The following SGCZ variants were observed in gnomAD, a reference collection of about 807,000 sequenced individuals.
The protein encoded by SGCZ is zeta-sarcoglycan.
SGCZ carries 40 observed loss-of-function variants against 41.3 expected under a neutral mutation model. That is an observed-to-expected ratio of 0.97 (90% CI 0.75 to 1.26). The LOEUF is 1.26. Among genes scored for constraint, SGCZ ranks in the 50% most tolerant of loss-of-function variants. The pLI is 0.00. For missense variants in SGCZ, 552 were observed against 369.8 expected (o/e 1.49, Z -4.04); for synonymous variants, 206 against 137.5 (o/e 1.50, Z -3.49).
At chr8:14,570,742 AATAACCTAAGAGACTATTTCAT>A (rs1345808209) in intron 1 of SGCZ, among the ~76,000 whole-genome samples, 1 of 152,168 alleles carries the variant, frequency 6.6e-6, no homozygotes, top group Admixed American at 6.5e-5. Context: ...ATGTGATATG[AATAACCTAAGAGACTATTTCAT>A]ATAACTCACT....
At chr8:15,038,365 C>G (rs1365094858) in intron 1 of SGCZ, among the ~76,000 whole-genome samples, 1 of 152,006 alleles carries the variant, frequency 6.6e-6, no homozygotes, top group Non-Finnish European at 1.5e-5. Flanking sequence ...AAAGGATGAT[C>G]TCTTCAATAA....
chr8:14,325,227 A>G (rs1369145957), intron 2 of SGCZ, among the ~76,000 whole-genome samples: 1 of 152,104 alleles, frequency 6.6e-6, no homozygotes, highest in Admixed American at 6.6e-5. Flanking sequence ...CTAATAATGC[A>G]TAATTGCGTA....
intron 7 of SGCZ, among the ~76,000 whole-genome samples, chr8:14,097,111 C>A (rs753492699): frequency 6.6e-6 from 1 of 152,004 alleles, no homozygotes; most frequent in African/African-American, 2.4e-5. Context: ...CTGCTCTGAT[C>A]ATAGTCATTT....
At chr8:14,935,314 C>T (rs1800049766) in intron 1 of SGCZ, among the ~76,000 whole-genome samples, 1 of 151,756 alleles carries the variant, frequency 6.6e-6, no homozygotes, top group Non-Finnish European at 1.5e-5. Flanking sequence ...ACATTTGTGA[C>T]ATTCTTCCAT....
intron 2 of SGCZ, among the ~76,000 whole-genome samples, chr8:14,331,039 G>A (rs1221985922): frequency 6.6e-6 from 1 of 151,392 alleles, no homozygotes; most frequent in Non-Finnish European, 1.5e-5. Flanking sequence ...AGATACATGT[G>A]TTTTTATTAT....
intron 3 of SGCZ, among the ~76,000 whole-genome samples, chr8:14,243,243 A>T (rs1292901695): frequency 6.6e-6 from 1 of 152,212 alleles, no homozygotes; most frequent in Admixed American, 6.6e-5. Context: ...ATAGTTTACA[A>T]GAAAAATTTT....
At chr8:14,136,568 C>G (rs1803205730) in intron 5 of SGCZ, among the ~76,000 whole-genome samples, 2 of 152,180 alleles carry the variant, frequency 1.3e-5, no homozygotes, top group Non-Finnish European at 2.9e-5. Flanking sequence ...AGTCCCAGAT[C>G]AAACTGCGAG....
At chr8:14,130,874 C>T (rs908010964) in intron 5 of SGCZ, among the ~76,000 whole-genome samples, 1 of 152,102 alleles carries the variant, frequency 6.6e-6, no homozygotes, top group African/African-American at 2.4e-5. Context: ...AACATGGTGC[C>T]AGCCAGGTAG....
intron 3 of SGCZ, among the ~76,000 whole-genome samples, chr8:14,283,793 A>C (rs2116924950): frequency 6.6e-6 from 1 of 152,346 alleles, no homozygotes; most frequent in East Asian, 1.9e-4. Context: ...GCACAACAGC[A>C]GCCATAGGCA....
intron 1 of SGCZ, among the ~76,000 whole-genome samples, chr8:14,880,564 T>G (rs541950316): frequency 3.3e-5 from 5 of 152,072 alleles, no homozygotes; most frequent in Admixed American, 3.3e-4. Flanking sequence ...AAATGTCCAA[T>G]GATGATAGAC....
intron 1 of SGCZ, among the ~76,000 whole-genome samples, chr8:15,007,505 G>A (rs1367050453): frequency 6.6e-6 from 1 of 152,182 alleles, no homozygotes; most frequent in Non-Finnish European, 1.5e-5. Context: ...CCACAAACTG[G>A]GTGCATGTTC....
chr8:14,568,823 A>C (rs1365756965), intron 1 of SGCZ, among the ~76,000 whole-genome samples: 1 of 152,216 alleles, frequency 6.6e-6, no homozygotes, highest in African/African-American at 2.4e-5. Flanking sequence ...CATGGGCTTC[A>C]TTAAATAATT....
At chr8:15,073,324 T>C (rs1025578854) in intron 1 of SGCZ, among the ~76,000 whole-genome samples, 9 of 152,178 alleles carry the variant, frequency 5.9e-5, no homozygotes, top group African/African-American at 2.2e-4. Context: ...GCTATCCTAA[T>C]TTTATTTTCC....
chr8:14,987,632 A>C (rs912261578), intron 1 of SGCZ, among the ~76,000 whole-genome samples: 2 of 151,990 alleles, frequency 1.3e-5, no homozygotes, highest in Admixed American at 1.3e-4. Flanking sequence ...TATTAGTAGA[A>C]GTATTCCAAG....
intron 3 of SGCZ, among the ~76,000 whole-genome samples, chr8:14,317,237 G>A (rs1208644752): frequency 6.6e-6 from 1 of 151,938 alleles, no homozygotes; most frequent in Non-Finnish European, 1.5e-5. Flanking sequence ...CTGTGGTAAG[G>A]TTATATTGCT....
rs576389990 is a variant in SGCZ, at chr8:14,584,565, A to C, written c.40-29639T>G. Reference sequence around the variant, plus strand: ...GAAACGTGACATGAGGAAACAAGGTAATTACAAATGATTAGGTTACAAAGT... The same window carrying C: ...GAAACGTGACATGAGGAAACAAGGTCATTACAAATGATTAGGTTACAAAGT... On this transcript the variant is annotated intron_variant, in intron 1 of 7. Coordinates refer to ENST00000382080, the MANE Select transcript of SGCZ (RefSeq NM_139167.4). Among the ~76,000 whole-genome samples the C allele has an allele frequency of 2.6e-5, 4 of 152,292 alleles. No homozygotes were observed. The East Asian group carries it at 7.7e-4, about 29-fold the overall frequency.
intron 1 of SGCZ, among the ~76,000 whole-genome samples, chr8:15,034,208 C>T (rs997014908): frequency 2.0e-5 from 3 of 151,728 alleles, no homozygotes; most frequent in Admixed American, 2.0e-4. Context: ...TACAAAGAAA[C>T]AATTGAATAA....
intron 2 of SGCZ, among the ~76,000 whole-genome samples, chr8:14,468,336 C>A (rs1029074515): frequency 1.3e-5 from 2 of 151,972 alleles, no homozygotes; most frequent in Non-Finnish European, 2.9e-5. Context: ...ATCTTTAGAG[C>A]ACAAGCATAA....
chr8:14,618,999 G>A (rs962633230), intron 1 of SGCZ, among the ~76,000 whole-genome samples: 1 of 152,162 alleles, frequency 6.6e-6, no homozygotes, highest in East Asian at 1.9e-4. Context: ...ATGTCCAAGT[G>A]AACACATGAA....
Sources: gnomAD v4.1 joint callset for allele counts (sites outside exome capture counted in the v4.1 genomes callset) on GRCh38, gnomAD v4.1.1 for gene constraint, MANE v1.5 for transcripts, NCBI Gene and HGNC (gene_info 2026-07-23, HGNC 2026-07-21) for gene names.